Variants in PCNX3 observed in about 807,000 individuals in gnomAD.
PCNX3 encodes the protein pecanex-like protein 3.
In PCNX3, 58 loss-of-function variants were observed where a neutral mutation model predicts 207.2. The ratio of observed to expected loss-of-function variants is 0.28; its 90% CI spans 0.23 to 0.35. The LOEUF (loss-of-function observed/expected upper bound fraction) is 0.35, where lower values mean the gene tolerates loss of function less well. PCNX3 is among the 10% of genes least tolerant of loss of function. The pLI is 1.00. For synonymous variants in PCNX3, 1,337 were observed against 1,183.5 expected, an observed-to-expected ratio of 1.13 and a Z score of -2.66; for missense variants, 2,410 against 2,774.4, an observed-to-expected ratio of 0.87 and a Z score of 2.95.
intron 29 of PCNX3, 69 bp downstream of exon 29, chr11:65,634,710 G>T: frequency 7.0e-7 from 1 of 1,424,914 alleles, no homozygotes; most frequent in Non-Finnish European, 9.5e-7. Context: ...AGAGCACTGT[G>T]GTCTCTGGCC....
In PCNX3 at chr11:65,634,344, C is replaced by T. The variant is rs747672540; in HGVS notation, c.4689C>T (p.Ser1563=). The T allele has an allele frequency of 1.3e-6, 2 of 1,586,650 alleles. No homozygotes were observed. Among genetic ancestry groups the T allele is most frequent in the Non-Finnish European group, 8.6e-7 (1 of 1,166,518 alleles). The part of the protein sequence containing the change: ...VHLEWIQYCA[S]RRSQPVDQDW... ...TCGAGTGGATCCAGTACTGCGCCTC[C>T]CGGCGCAGCCAGGTCAGGCTCCACT... The change falls in exon 28 of 35, where the codon TCC becomes TCT. Residue 1563 remains serine, a synonymous_variant. Coordinates refer to ENST00000355703, the MANE Select transcript of PCNX3 (RefSeq NM_032223.4).
intron 21 of PCNX3, 52 bp from the exon 22 acceptor site, chr11:65,627,352 AC>A: frequency 2.6e-6 from 4 of 1,566,476 alleles, no homozygotes; most frequent in Non-Finnish European, 3.5e-6. Flanking sequence ...GGACACCTAT[AC>A]CCACTGCCCC....
chr11:65,619,507 A>G (rs1402173198), intron 6 of PCNX3, 30 bp from the exon 7 acceptor site: 1 of 1,607,450 alleles, frequency 6.2e-7, no homozygotes, highest in Admixed American at 1.7e-5. Flanking sequence ...AGCATCTGTC[A>G]CTTACACTTG....
chr11:65,618,745 A>G lies in PCNX3; in HGVS notation c.1383A>G (p.Ala461=). 6.2e-7 allele frequency: 1 copy of G among 1,612,256 alleles called. No individual in the cohort carries two copies. Among genetic ancestry groups the G allele is most frequent in the Non-Finnish European group, 8.5e-7 (1 of 1,179,354 alleles). The change falls in exon 6 of 35, where the codon GCA becomes GCG. Residue 461 remains alanine, a synonymous_variant. Coordinates refer to ENST00000355703, the MANE Select transcript of PCNX3 (RefSeq NM_032223.4). ...ACTCCCCTGAGAGCTCCCGGGGTGC[A>G]GCAGGGGGACCCCGGAAGCGGAGGG... is the stretch of plus-strand genomic sequence containing the variant. ...SCYSPESSRG[A]AGGPRKRRAP...
chr11:65,623,647 C>T lies in PCNX3; in HGVS notation c.2511+3C>T, dbSNP rs759540053. On this transcript the variant is annotated splice_donor_region_variant and intron_variant, in intron 12 of 34. Transcript: ENST00000355703. Reference sequence around the variant, plus strand: ...CCTGCCAGTACTCCTTGCTGAAGGTCAGGCCGGGCTCTCTGTGTTTCCTTC... The same window carrying T: ...CCTGCCAGTACTCCTTGCTGAAGGTTAGGCCGGGCTCTCTGTGTTTCCTTC... 1 of 1,611,936 alleles carries T rather than the reference C, an allele frequency of 6.2e-7. No homozygotes were observed. The highest frequency in any genetic ancestry group is 8.5e-7 in the Non-Finnish European group (1 of 1,178,778).
At position 65,620,864 on chromosome 11, in the gene PCNX3, G is replaced by T; in HGVS notation, c.2133G>T (p.Ser711=). Residue 711 remains serine, a synonymous_variant, in exon 10 of 35, where the codon TCG becomes TCT. Transcript: ENST00000355703. The part of the protein sequence containing the change: ...DRHSHSSSFH[S]ADVPEATGGL... Reference sequence around the variant, plus strand: ...ACTCGCATTCCTCCAGCTTCCACTCGGCTGATGTCCCTGAGGCTACAGGCG... The same window carrying T: ...ACTCGCATTCCTCCAGCTTCCACTCTGCTGATGTCCCTGAGGCTACAGGCG... 1.3e-6 allele frequency: 2 copies of T among 1,588,928 alleles called. No individual in the cohort carries two copies. The highest frequency in any genetic ancestry group is 1.7e-6 in the Non-Finnish European group (2 of 1,168,414).
chr11:65,623,894 G>C (rs1186427978), intron 12 of PCNX3, 35 bp from the exon 13 acceptor site: 1 of 1,612,240 alleles, frequency 6.2e-7, no homozygotes, highest in Admixed American at 1.7e-5. Flanking sequence ...CGTGGGCATC[G>C]GCTCTAGTTG....
intron 8 of PCNX3, 90 bp downstream of exon 8, chr11:65,620,022 G>A: frequency 7.4e-7 from 1 of 1,348,060 alleles, no homozygotes; most frequent in South Asian, 1.4e-5. Flanking sequence ...GCTCGGCCCT[G>A]TGGCAGGTAC....
At chr11:65,622,166 G>C in intron 10 of PCNX3, 79 bp from the exon 11 acceptor site, 2 of 1,506,300 alleles carry the variant, frequency 1.3e-6, no homozygotes, top group Non-Finnish European at 8.9e-7. Flanking sequence ...GACCATGTGG[G>C]GGGTGGCGGG....
rs1033534942 is a variant in PCNX3, at chr11:65,629,746, G to C, written c.4216+11G>C. ...GCCTTGAGTTCCGGGGTGAGCCGCA[G>C]GACCAGGCTCGGGTGGGCAGGCACA... On this transcript the variant is annotated intron_variant, in intron 26 of 34. Coordinates refer to ENST00000355703, the MANE Select transcript of PCNX3 (RefSeq NM_032223.4). 5 of 1,549,148 alleles carry C rather than the reference G, an allele frequency of 3.2e-6. No individual in the cohort carries two copies. The South Asian group carries it at 3.6e-5, about 11-fold the overall frequency.
rs1855315707 is a variant in PCNX3, at chr11:65,625,136, T to C, written c.2920-35T>C. 6.4e-7 allele frequency: 1 copy of C among 1,571,604 alleles called. No homozygotes were observed. The highest frequency in any genetic ancestry group is 2.3e-5 in the East Asian group (1 of 44,224). ...GGGCAGCCCGGGCCCCATGCTTACC[T>C]CACCTCCCCTGACCAGCATGGATTC... On this transcript the variant is annotated intron_variant, in intron 16 of 34. Transcript: ENST00000355703. The surrounding 1 kb of genome is among the most constrained non-coding windows in gnomAD (Gnocchi z 5.6).
In PCNX3 at chr11:65,636,533, C is replaced by T. The variant is rs1179970606; in HGVS notation, c.5736C>T (p.Pro1912=). 6.3e-7 allele frequency: 1 copy of T among 1,591,900 alleles called. No homozygotes were observed. Among genetic ancestry groups the T allele is most frequent in the Non-Finnish European group, 8.5e-7 (1 of 1,171,194 alleles). Reference sequence around the variant, plus strand: ...GACCACCCCCTGCATCGCCTATCCCCACAGAGGGTCCCCGGACCTCACGGC... The same window carrying T: ...GACCACCCCCTGCATCGCCTATCCCTACAGAGGGTCCCCGGACCTCACGGC... ...LPGPPPASPI[P]TEGPRTSRPP... is the part of the protein sequence containing the mutation. Residue 1912 remains proline (P), a synonymous_variant, in exon 34 of 35, where the codon CCC becomes CCT. Transcript: ENST00000355703.
intron 7 of PCNX3, 26 bp from the exon 8 acceptor site, chr11:65,619,728 G>A (rs1231593118): frequency 1.0e-5 from 16 of 1,561,174 alleles, no homozygotes; most frequent in Admixed American, 1.8e-5. Context: ...TCTAGCTGGC[G>A]CTGACCTGGG....
rs368323220 is a variant in PCNX3, at chr11:65,636,436, G to A, written c.5639G>A (p.Arg1880Gln). 16 of 1,555,154 alleles carry A rather than the reference G, an allele frequency of 1.0e-5. No homozygotes were observed. The highest frequency in any genetic ancestry group is 2.3e-5 in the East Asian group (1 of 44,386). Residue 1880 changes from arginine to glutamine, a missense_variant, in exon 34 of 35, where the codon CGG (arginine) becomes CAG (glutamine). Transcript: ENST00000355703. ...PLPPGPGWGP[R>Q]SSLSGSGDGR... ...CCACCAGGCCCTGGCTGGGGGCCGC[G>A]GTCCTCCCTGAGTGGCTCTGGTGAT... is the stretch of plus-strand genomic sequence containing the variant.
At chr11:65,616,598 G>A in intron 1 of PCNX3, 134 bp downstream of exon 1, 2 of 1,170,008 alleles carry the variant, frequency 1.7e-6, no homozygotes, top group Non-Finnish European at 2.4e-6. Flanking sequence ...TGTGGAAGAG[G>A]GGCCAAAGTC....
chr11:65,623,204 C>T (rs571857275), intron 11 of PCNX3, among the ~76,000 whole-genome samples: 1 of 152,376 alleles, frequency 6.6e-6, no homozygotes, highest in Admixed American at 6.5e-5. Flanking sequence ...TTAACTCAGT[C>T]TCAGCTGGGG....
chr11:65,626,173 A>G, intron 20 of PCNX3, 119 bp downstream of exon 20: 1 of 1,345,078 alleles, frequency 7.4e-7, no homozygotes, highest in Non-Finnish European at 1.0e-6. Flanking sequence ...TGCCCACACT[A>G]CCCTTTCTGC....
chr11:65,634,463 G>T, intron 28 of PCNX3, 75 bp from the exon 29 acceptor site: 1 of 1,516,676 alleles, frequency 6.6e-7, no homozygotes. Context: ...CCCTTAGCCT[G>T]AGCCCCAGCC....
intron 1 of PCNX3, 69 bp from the exon 2 acceptor site, chr11:65,616,755 G>A (rs981335177): frequency 2.0e-6 from 3 of 1,515,560 alleles, no homozygotes; most frequent in Non-Finnish European, 2.7e-6. Context: ...CAGCTATGAT[G>A]TTGATGGCAG....
Sources: gnomAD v4.1 joint callset for allele counts (sites outside exome capture counted in the v4.1 genomes callset) on GRCh38, gnomAD v4.1.1 for gene constraint, Gnocchi (gnomAD v3.1) non-coding constraint, MANE v1.5 for transcripts, NCBI Gene and HGNC (gene_info 2026-07-23, HGNC 2026-07-21) for gene names.